EML6: variants seen among roughly 807,000 people sequenced by gnomAD.
EML6 encodes the protein echinoderm microtubule-associated protein-like 6.
In EML6, 154 loss-of-function variants were observed where a neutral mutation model predicts 240.1. That is an observed-to-expected ratio of 0.64 (90% CI 0.56 to 0.73). EML6 has a LOEUF of 0.73. Ranked by LOEUF, EML6 falls within the 30% of genes least tolerant of loss-of-function variation. The pLI, the probability that EML6 is intolerant of heterozygous loss-of-function variation, is 0.00. For missense variants in EML6, 2,964 were observed against 2,474.6 expected (o/e 1.20, Z -4.20); for synonymous variants, 1,148 against 899.0 (o/e 1.28, Z -4.95).
At chr2:54,931,418 G>A (rs1454988280) in intron 28 of EML6, among the ~76,000 whole-genome samples, 5 of 152,214 alleles carry the variant, frequency 3.3e-5, no homozygotes, top group African/African-American at 4.8e-5. Context: ...CAGGACCCAT[G>A]GACTCTAGCA....
intron 2 of EML6, among the ~76,000 whole-genome samples, chr2:54,786,566 G>T (rs1669102622): frequency 6.6e-6 from 1 of 152,116 alleles, no homozygotes; most frequent in Non-Finnish European, 1.5e-5. Context: ...CCCTTTCAGG[G>T]GACATAGCGG....
intron 2 of EML6, among the ~76,000 whole-genome samples, chr2:54,729,259 C>T (rs935946872): frequency 2.0e-5 from 3 of 152,362 alleles, no homozygotes; most frequent in African/African-American, 7.2e-5. Context: ...TCACCTCTCC[C>T]ATGAGACCTT....
intron 30 of EML6, among the ~76,000 whole-genome samples, chr2:54,952,348 G>A (rs1017733145): frequency 9.2e-5 from 14 of 151,968 alleles, no homozygotes; most frequent in Non-Finnish European, 7.4e-5. Flanking sequence ...GGGAAGTATC[G>A]AAGAGCAGCT....
intron 2 of EML6, among the ~76,000 whole-genome samples, chr2:54,760,537 CA>C (rs1249114894): frequency 6.6e-6 from 1 of 152,102 alleles, no homozygotes; most frequent in Admixed American, 6.6e-5. Flanking sequence ...TTTTCAGTTT[CA>C]ATATAGCCTA....
intron 2 of EML6, among the ~76,000 whole-genome samples, chr2:54,771,410 G>C (rs1278741474): frequency 6.6e-6 from 1 of 152,214 alleles, no homozygotes; most frequent in Non-Finnish European, 1.5e-5. Context: ...CTTACACCGT[G>C]TCAGCAGTTA....
intron 3 of EML6, 104 bp from the exon 4 acceptor site, chr2:54,816,683 T>G: frequency 3.4e-6 from 3 of 893,700 alleles, no homozygotes; most frequent in Non-Finnish European, 3.5e-6. Flanking sequence ...CGGTTTGTTA[T>G]AAGAAATTCA....
intron 17 of EML6, among the ~76,000 whole-genome samples, chr2:54,884,653 C>T (rs1672024007): frequency 6.6e-6 from 1 of 152,150 alleles, no homozygotes; most frequent in Non-Finnish European, 1.5e-5. Context: ...TTGAAGACCA[C>T]ATATGTATTT....
intron 2 of EML6, among the ~76,000 whole-genome samples, chr2:54,799,217 T>C (rs1669983445): frequency 2.0e-5 from 3 of 150,764 alleles, no homozygotes; most frequent in South Asian, 2.1e-4. Flanking sequence ...TGCACCACCA[T>C]GCCCAGCTAA....
intron 3 of EML6, among the ~76,000 whole-genome samples, chr2:54,814,241 G>C (rs1572940792): frequency 6.6e-6 from 1 of 152,092 alleles, no homozygotes; most frequent in African/African-American, 2.4e-5. Flanking sequence ...TTGTACCTCT[G>C]GGCCCTGCCT....
chr2:54,853,528 A>C, intron 10 of EML6, 115 bp from the exon 11 acceptor site: 1 of 719,650 alleles, frequency 1.4e-6, no homozygotes, highest in Non-Finnish European at 2.1e-6. Context: ...TAAAGAGATT[A>C]AAATATGTAG....
At chr2:54,870,197 G>A (rs1406875448) in intron 15 of EML6, among the ~76,000 whole-genome samples, 1 of 152,108 alleles carries the variant, frequency 6.6e-6, no homozygotes, top group East Asian at 1.9e-4. Context: ...ACCTGCAGGT[G>A]GTAAAGCCTT....
chr2:54,902,112 C>G (rs1673087154), intron 22 of EML6, among the ~76,000 whole-genome samples: 1 of 152,044 alleles, frequency 6.6e-6, no homozygotes, highest in Non-Finnish European at 1.5e-5. Flanking sequence ...ATTGGAGCAA[C>G]TAAAAGAATG....
At chr2:54,791,331 G>T (rs1249691156) in intron 2 of EML6, among the ~76,000 whole-genome samples, 1 of 152,150 alleles carries the variant, frequency 6.6e-6, no homozygotes. Flanking sequence ...TTATTGGGAA[G>T]GTGCCTACAT....
At position 54,821,694 on chromosome 2, in the gene EML6, C is replaced by T. The variant is rs554241801; in HGVS notation, c.525+1232C>T. Among the ~76,000 whole-genome samples, 199 of 151,960 alleles carry T rather than the reference C, an allele frequency of 1.3e-3. 1 individual carries two copies. The highest frequency in any genetic ancestry group is 2.3e-3 in the Non-Finnish European group (157 of 67,882). On this transcript the variant is annotated intron_variant, in intron 5 of 41. Coordinates refer to ENST00000356458, the MANE Select transcript of EML6 (RefSeq NM_001039753.4). ...CTTGGATACAAAGAAATAAAAAAAG[C>T]TGAAAAATAGACCTTAATATGTATG... is the stretch of plus-strand genomic sequence containing the variant.
intron 36 of EML6, 149 bp downstream of exon 36, chr2:54,962,860 G>C: frequency 1.9e-6 from 1 of 534,210 alleles, no homozygotes; most frequent in Non-Finnish European, 3.1e-6. Context: ...GATAAAAGAA[G>C]CCCCACTCAC....
At chr2:54,949,523 A>G (rs1401010488) in intron 29 of EML6, among the ~76,000 whole-genome samples, 1 of 152,176 alleles carries the variant, frequency 6.6e-6, no homozygotes, top group African/African-American at 2.4e-5. Flanking sequence ...AAGGGATTTG[A>G]ACTCAATTGT....
chr2:54,903,985 A>C (rs1479547997), intron 24 of EML6, among the ~76,000 whole-genome samples: 4 of 152,090 alleles, frequency 2.6e-5, no homozygotes, highest in Admixed American at 2.6e-4. Context: ...AAAACTCCCA[A>C]CCTACTCCTA....
In EML6 at chr2:54,894,835, T is replaced by G. The variant is rs1392035145; in HGVS notation, c.2743-80T>G. On this transcript the variant is annotated intron_variant, in intron 19 of 41. Transcript: ENST00000356458. Reference sequence around the variant, plus strand: ...GTAGCATCCACAAAGCTTCCTTACCTGCGGGGAATCCTCCTGGGGCCAAGT... The same window carrying G: ...GTAGCATCCACAAAGCTTCCTTACCGGCGGGGAATCCTCCTGGGGCCAAGT... 4.7e-6 allele frequency: 4 copies of G among 858,542 alleles called. No individual in the cohort carries two copies. In the East Asian group the frequency reaches 1.1e-4, roughly 23 times the overall value. 53.2% of individuals were successfully genotyped at this position (858,542 alleles called of 1,614,324 possible).
chr2:54,958,038 C>A lies in EML6; in HGVS notation c.4695+40C>A. ...ATACTCCCTGAGAAGGGGACCCAGA[C>A]CCCCTGGGCATGGGCATGGGCATGG... On this transcript the variant is annotated intron_variant, in intron 33 of 41. Coordinates refer to ENST00000356458, the MANE Select transcript of EML6 (RefSeq NM_001039753.4). 4.6e-6 allele frequency: 7 copies of A among 1,512,190 alleles called. No homozygotes were observed. In the South Asian group the frequency reaches 6.3e-5, roughly 14 times the overall value. 93.7% of individuals were successfully genotyped at this position (1,512,190 alleles called of 1,614,324 possible).
Sources: gnomAD v4.1 joint callset for allele counts (sites outside exome capture counted in the v4.1 genomes callset) on GRCh38, gnomAD v4.1.1 for gene constraint, MANE v1.5 for transcripts, NCBI Gene and HGNC (gene_info 2026-07-23, HGNC 2026-07-21) for gene names.